NFATC1: variants seen among roughly 807,000 people sequenced by gnomAD.
The protein encoded by NFATC1 is nuclear factor of activated T cells 1, also known as nuclear factor of activated T-cells, cytoplasmic 1.
A neutral mutation model predicts 76.0 loss-of-function variants in NFATC1; 22 were observed. That is an observed-to-expected ratio of 0.29 (90% CI 0.21 to 0.41). NFATC1 has a LOEUF of 0.41. Ranked by LOEUF, NFATC1 falls within the 10% of genes least tolerant of loss-of-function variation. The pLI, the probability that NFATC1 is intolerant of heterozygous loss-of-function variation, is 1.00. For missense variants in NFATC1, 1,357 were observed against 1,337.7 expected (o/e 1.01, Z -0.23); for synonymous variants, 704 against 613.1 (o/e 1.15, Z -2.19).
chr18:79,396,143 G>C lies in NFATC1; in HGVS notation c.-82G>C. On this transcript the variant is annotated 5_prime_UTR_variant, in exon 1 of 10. Coordinates refer to ENST00000427363, the MANE Select transcript of NFATC1 (RefSeq NM_001278669.2). The stretch of plus-strand genomic sequence containing the variant: ...AGCCCGGGGCGAGGGCTGTCTTCCC[G>C]GAGACCCGACCCCGGCAGCGCGGGG... 7.6e-7 allele frequency: 1 copy of C among 1,312,852 alleles called. No homozygotes were observed. Among genetic ancestry groups the C allele is most frequent in the Non-Finnish European group, 9.8e-7 (1 of 1,017,518 alleles). 81.3% of individuals were successfully genotyped at this position (1,312,852 alleles called of 1,614,324 possible). A position where few individuals can be genotyped will look rare whatever the true frequency, so the allele number is the denominator to read the frequency against.
At chr18:79,481,530 C>A (rs114760400) in intron 8 of NFATC1, among the ~76,000 whole-genome samples, 13 of 152,252 alleles carry the variant, frequency 8.5e-5, no homozygotes, top group Admixed American at 5.9e-4. Flanking sequence ...CATCTGTGAA[C>A]CCTCAGCTGA....
chr18:79,440,257 T>G (rs748619852), intron 3 of NFATC1, among the ~76,000 whole-genome samples: 7 of 152,248 alleles, frequency 4.6e-5, no homozygotes, highest in Non-Finnish European at 1.0e-4. Context: ...GCACGGCCGT[T>G]GCTAGTGACC....
rs1183533737 is a variant in NFATC1 at position 79,464,710 on chromosome 18, A to ATTTTT, written c.1960-2731_1960-2727dup. Among the ~76,000 whole-genome samples, 26 of 92,034 alleles carry ATTTTT rather than the reference A, an allele frequency of 2.8e-4. 1 individual carries two copies. The highest frequency in any genetic ancestry group is 1.1e-3 in the African/African-American group (24 of 22,110). 60.4% of individuals were successfully genotyped at this position (92,034 alleles called of 152,430 possible). On this transcript the variant is annotated intron_variant, in intron 7 of 9. Transcript: ENST00000427363. ...TATATATATATTTATTTATTTATTT[A>ATTTTT]TTTTTTTTTTTTTGAGACAGGGTCT... is the stretch of plus-strand genomic sequence containing the variant.
chr18:79,483,740 G>T (rs1159570761), intron 8 of NFATC1, among the ~76,000 whole-genome samples: 1 of 149,576 alleles, frequency 6.7e-6, no homozygotes. Context: ...TGGTCCTGGG[G>T]TGTCACTCCA....
Position 79,396,249 on chromosome 18 carries a change from C to CCTTCCAAGTT in NFATC1, c.26_35dup (p.Pro13PhefsTer101), listed in dbSNP as rs1568901360. 2 of 1,499,066 alleles carry CCTTCCAAGTT rather than the reference C, an allele frequency of 1.3e-6. No homozygotes were observed. Among genetic ancestry groups the CCTTCCAAGTT allele is most frequent in the Non-Finnish European group, 1.8e-6 (2 of 1,117,386 alleles). The allele number at this position is 1,499,066 out of a possible 1,614,324, so 92.9% of individuals were successfully genotyped here. On this transcript the variant is annotated frameshift_variant, in exon 1 of 10. Coordinates refer to ENST00000427363, the MANE Select transcript of NFATC1 (RefSeq NM_001278669.2). LOFTEE classifies it high-confidence loss of function. ...GATGCCAAGCACCAGCTTTCCAGTCCCTTCCAAGTTTCCACTTGGCCCTGC... is the reference window on the plus strand; with the variant it reads ...GATGCCAAGCACCAGCTTTCCAGTCCCTTCCAAGTTCTTCCAAGTTTCCACTTGGCCCTGC...
intron 8 of NFATC1, among the ~76,000 whole-genome samples, chr18:79,479,403 G>A (rs182415430): frequency 4.6e-5 from 7 of 152,320 alleles, no homozygotes; most frequent in East Asian, 3.9e-4. Context: ...ACTCCCAGGC[G>A]CTCTTGCAGA....
At chr18:79,476,557 C>G (rs866855616) in intron 8 of NFATC1, among the ~76,000 whole-genome samples, 2 of 152,316 alleles carry the variant, frequency 1.3e-5, no homozygotes, top group African/African-American at 4.8e-5. Flanking sequence ...CTGGCCCCGT[C>G]GCTGCCACCT....
chr18:79,456,895 A>T (rs919217594), intron 6 of NFATC1, among the ~76,000 whole-genome samples: 1 of 152,202 alleles, frequency 6.6e-6, no homozygotes, highest in African/African-American at 2.4e-5. Context: ...CGGCACGGGC[A>T]GCCTCCCTGT....
chr18:79,485,362 A>G (rs2089463481), intron 8 of NFATC1, among the ~76,000 whole-genome samples: 1 of 152,238 alleles, frequency 6.6e-6, no homozygotes, highest in Non-Finnish European at 1.5e-5. Flanking sequence ...GTCTCCTCTA[A>G]GTAGCACGAG....
intron 2 of NFATC1, among the ~76,000 whole-genome samples, chr18:79,426,203 T>G (rs1264172589): frequency 6.6e-6 from 1 of 151,036 alleles, no homozygotes; most frequent in African/African-American, 2.4e-5. Context: ...ATCCTGCGAT[T>G]GAGAATCAGA....
At chr18:79,400,384 G>GGCCCA (rs1472518804) in intron 1 of NFATC1, 12 of 987,392 alleles carry the variant, frequency 1.2e-5, no homozygotes, top group Non-Finnish European at 1.7e-5. Flanking sequence ...GCCCCGGCCC[G>GGCCCA]ACCCGCCATG....
intron 9 of NFATC1, among the ~76,000 whole-genome samples, chr18:79,491,669 C>T (rs1239196824): frequency 1.3e-5 from 2 of 152,218 alleles, no homozygotes; most frequent in Admixed American, 6.5e-5. Flanking sequence ...CTTCTGCGTT[C>T]CGCTGGCCTG....
At chr18:79,440,671 C>T (rs1223947894) in intron 3 of NFATC1, among the ~76,000 whole-genome samples, 2 of 152,246 alleles carry the variant, frequency 1.3e-5, no homozygotes, top group African/African-American at 4.8e-5. Context: ...GGAGCGGCCA[C>T]TGTCTGCACT....
intron 8 of NFATC1, among the ~76,000 whole-genome samples, chr18:79,481,767 A>C (rs1407301611): frequency 6.7e-6 from 1 of 149,098 alleles, no homozygotes; most frequent in East Asian, 1.9e-4. Flanking sequence ...TCTGGGGTGT[A>C]ATTCCAGCGT....
chr18:79,441,559 G>C (rs962972344), intron 3 of NFATC1, among the ~76,000 whole-genome samples: 1 of 152,178 alleles, frequency 6.6e-6, no homozygotes, highest in Non-Finnish European at 1.5e-5. Flanking sequence ...AGGGCATCCC[G>C]GCTGTGGGTG....
intron 3 of NFATC1, among the ~76,000 whole-genome samples, chr18:79,434,533 G>A (rs1273872005): frequency 6.6e-6 from 1 of 152,240 alleles, no homozygotes; most frequent in Non-Finnish European, 1.5e-5. Context: ...TAGGCCCCAG[G>A]CCCTAGATCT....
rs373946840 is a variant in NFATC1 at position 79,486,717 on chromosome 18, C to T, written c.2562C>T (p.Ala854=). The part of the protein sequence containing the change: ...PSSPSPPLPP[A]TQEPTCLQPC... Reference sequence around the variant, plus strand: ...GCCCCTCTCCTCCACTCCCGCCTGCCACCCAAGAGCCGACCTGCCTGCAGC... The same window carrying T: ...GCCCCTCTCCTCCACTCCCGCCTGCTACCCAAGAGCCGACCTGCCTGCAGC... The change falls in exon 9 of 10, where the codon GCC becomes GCT. Residue 854 remains alanine (A), a synonymous_variant. Coordinates refer to ENST00000427363, the MANE Select transcript of NFATC1 (RefSeq NM_001278669.2). The T allele has an allele frequency of 3.1e-6, 5 of 1,597,898 alleles. No homozygotes were observed. The South Asian group carries it at 3.3e-5, about 11-fold the overall frequency.
At chr18:79,514,127 G>A (rs1362252049) in intron 9 of NFATC1, among the ~76,000 whole-genome samples, 4 of 152,092 alleles carry the variant, frequency 2.6e-5, no homozygotes, top group South Asian at 2.1e-4. Context: ...CCATCTAGTT[G>A]TCATTGCTGA....
At chr18:79,511,632 G>C (rs554751323) in intron 9 of NFATC1, among the ~76,000 whole-genome samples, 1 of 152,160 alleles carries the variant, frequency 6.6e-6, no homozygotes, top group African/African-American at 2.4e-5. Context: ...TGTGCCTCCC[G>C]CCAGGACACG....
Sources: allele counts gnomAD v4.1 joint callset (sites outside exome capture counted in the v4.1 genomes callset), GRCh38; gene constraint gnomAD v4.1.1; transcripts MANE v1.5; gene names NCBI Gene and HGNC (gene_info 2026-07-23, HGNC 2026-07-21).